PLEKHA3: variants seen among roughly 807,000 people sequenced by gnomAD.
PLEKHA3 encodes pleckstrin homology domain containing A3, also known as pleckstrin homology domain-containing family A member 3.
In PLEKHA3, 19 loss-of-function variants were observed where a neutral mutation model predicts 39.2. The ratio of observed to expected loss-of-function variants is 0.48; its 90% CI spans 0.34 to 0.71. The LOEUF is 0.71. Among genes scored for constraint, PLEKHA3 ranks in the 30% least tolerant of loss-of-function variants. PLEKHA3 has a pLI of 0.01. For synonymous variants in PLEKHA3, 97 were observed against 118.6 expected (o/e 0.82, Z 1.18); for missense variants, 253 against 359.5 (o/e 0.70, Z 2.40).
chr2:178,495,960 A>C (rs1685437507), intron 5 of PLEKHA3, among the ~76,000 whole-genome samples: 1 of 152,160 alleles, frequency 6.6e-6, no homozygotes, highest in African/African-American at 2.4e-5. Context: ...GTGACAAAGA[A>C]AAAGTTGGGG....
At position 178,507,276 on chromosome 2, in the gene PLEKHA3, A is replaced by G. The variant is rs1172501647; in HGVS notation, c.*3389A>G. 1 of 152,236 alleles carries G rather than the reference A, an allele frequency of 6.6e-6. No individual in the cohort carries two copies. Among genetic ancestry groups the G allele is most frequent in the East Asian group, 1.9e-4 (1 of 5,176 alleles). The allele number at this position is 152,236 out of a possible 1,614,324, so 9.4% of individuals were successfully genotyped here. On this transcript the variant is annotated 3_prime_UTR_variant, in exon 8 of 8. Transcript: ENST00000234453. ...CCCACCCCTCCCAAAATAGATTTAT[A>G]TTCACACAACTTTTAGTTAGAACAA...
At chr2:178,497,925 TCAGA>T (rs1033138748) in intron 5 of PLEKHA3, among the ~76,000 whole-genome samples, 4 of 151,750 alleles carry the variant, frequency 2.6e-5, no homozygotes, top group African/African-American at 9.7e-5. Context: ...GAAAGTAAGG[TCAGA>T]CAATCTTCAT....
chr2:178,492,056 C>T (rs1685356814), intron 3 of PLEKHA3, among the ~76,000 whole-genome samples: 1 of 152,104 alleles, frequency 6.6e-6, no homozygotes, highest in Non-Finnish European at 1.5e-5. Flanking sequence ...ATGAGTTTTG[C>T]TGGAAACAAA....
rs188467298 is a variant in PLEKHA3 at position 178,498,199 on chromosome 2, T to C, written c.616-1012T>C. Among the ~76,000 whole-genome samples, 55 of 152,322 alleles carry C rather than the reference T, an allele frequency of 3.6e-4. 2 individuals carry two copies. The highest frequency in any genetic ancestry group is 3.6e-3 in the Admixed American group (55 of 15,304). On this transcript the variant is annotated intron_variant, in intron 5 of 7. Transcript: ENST00000234453. ...GGACCTACAGATTGAGTGATTATTA[T>C]AGTGGGGATGTCCTTGGGTTAGTAA...
intron 5 of PLEKHA3, 96 bp from the exon 6 acceptor site, chr2:178,499,115 A>G: frequency 8.1e-6 from 10 of 1,232,706 alleles, no homozygotes; most frequent in Non-Finnish European, 1.1e-5. Flanking sequence ...CTCTGAGTAA[A>G]TTTATGTTTA....
At position 178,480,720 on chromosome 2, in the gene PLEKHA3, A is replaced by G. The variant is rs1026865638; in HGVS notation, c.-150A>G. 3 of 541,238 alleles carry G rather than the reference A, an allele frequency of 5.5e-6. No homozygotes were observed. The highest frequency in any genetic ancestry group is 9.6e-5 in the South Asian group (1 of 10,444). The allele number at this position is 541,238 out of a possible 1,614,324, so 33.5% of individuals were successfully genotyped here. A position where few individuals can be genotyped will look rare whatever the true frequency, so the allele number is the denominator to read the frequency against. ...GCTGTCCCGGCCTCTAAAGGCCGCC[A>G]CGTCCCTGCGGCGCGCGCAGGCAGA... On this transcript the variant is annotated 5_prime_UTR_variant, in exon 1 of 8. Transcript: ENST00000234453.
intron 3 of PLEKHA3, among the ~76,000 whole-genome samples, chr2:178,491,170 C>T (rs945897269): frequency 6.6e-6 from 1 of 152,014 alleles, no homozygotes; most frequent in Non-Finnish European, 1.5e-5. Context: ...GCTACCATGC[C>T]TGGCTAATTT....
At position 178,505,553 on chromosome 2, in the gene PLEKHA3, CTT is replaced by C. The variant is rs1685589806; in HGVS notation, c.*1667_*1668del. The C allele has an allele frequency of 7.0e-6, 1 of 143,450 alleles. No individual in the cohort carries two copies. The highest frequency in any genetic ancestry group is 1.5e-5 in the Non-Finnish European group (1 of 65,248). 8.9% of individuals were successfully genotyped at this position (143,450 alleles called of 1,614,324 possible). A position where few individuals can be genotyped will look rare whatever the true frequency, so the allele number is the denominator to read the frequency against. On this transcript the variant is annotated 3_prime_UTR_variant, in exon 8 of 8. Transcript: ENST00000234453. ...ACGTTGAGCAGGTAATCAGGTTTTT[CTT>C]GTTTTTTTTTTTTTTTTAAATTTTG...
intron 5 of PLEKHA3, among the ~76,000 whole-genome samples, 189 bp downstream of exon 5, chr2:178,495,849 T>C (rs1479281687): frequency 1.3e-5 from 2 of 152,354 alleles, no homozygotes; most frequent in East Asian, 3.9e-4. Context: ...GCACTTGTGC[T>C]AGTGTCCTCA....
At chr2:178,483,340 TAA>T (rs74815655) in intron 1 of PLEKHA3, among the ~76,000 whole-genome samples, 20 of 143,534 alleles carry the variant, frequency 1.4e-4, no homozygotes, top group African/African-American at 4.1e-4. Context: ...TAAAAAGAAT[TAA>T]AAAAAAAAAA....
At chr2:178,494,900 TCTC>T (rs1257620842) in intron 4 of PLEKHA3, among the ~76,000 whole-genome samples, 1 of 150,902 alleles carries the variant, frequency 6.6e-6, no homozygotes, top group Non-Finnish European at 1.5e-5. Flanking sequence ...CTAGCCAACT[TCTC>T]ATCTTTTTTT....
At position 178,507,698 on chromosome 2, in the gene PLEKHA3, A is replaced by C. The variant is rs1212643199; in HGVS notation, c.*3811A>C. On this transcript the variant is annotated 3_prime_UTR_variant, in exon 8 of 8. Coordinates refer to ENST00000234453, the MANE Select transcript of PLEKHA3 (RefSeq NM_019091.4). ...TTTTTTTTTTTTTTTTTTTTTTGGC[A>C]AAGCTCCTCCACCAGTAACTTCCTA... The C allele has an allele frequency of 2.4e-5, 1 of 42,546 alleles. No homozygotes were observed. The highest frequency in any genetic ancestry group is 4.9e-5 in the Non-Finnish European group (1 of 20,416). 2.6% of individuals were successfully genotyped at this position (42,546 alleles called of 1,614,324 possible). A position where few individuals can be genotyped will look rare whatever the true frequency, so the allele number is the denominator to read the frequency against.
intron 2 of PLEKHA3, chr2:178,489,088 T>G: frequency 2.7e-6 from 1 of 377,092 alleles, no homozygotes; most frequent in Non-Finnish European, 5.3e-6. Context: ...AGCATTGCTT[T>G]CTTTTAAAGT....
Position 178,504,032 on chromosome 2 carries a change from A to G in PLEKHA3, c.*145A>G. 1 of 810,196 alleles carries G rather than the reference A, an allele frequency of 1.2e-6. No homozygotes were observed. The highest frequency in any genetic ancestry group is 1.9e-6 in the Non-Finnish European group (1 of 536,400). The allele number at this position is 810,196 out of a possible 1,614,324, so 50.2% of individuals were successfully genotyped here. A position where few individuals can be genotyped will look rare whatever the true frequency, so the allele number is the denominator to read the frequency against. The stretch of plus-strand genomic sequence containing the variant: ...ACAGACAAACAAGAAAACAAACCAC[A>G]TACTTTTGAAGTGTATTTTATCTTT... On this transcript the variant is annotated 3_prime_UTR_variant, in exon 8 of 8. Coordinates refer to ENST00000234453, the MANE Select transcript of PLEKHA3 (RefSeq NM_019091.4).
chr2:178,514,437 A>T lies in PLEKHA3; in HGVS notation c.*10550A>T, dbSNP rs1685731226. 1 of 152,006 alleles carries T rather than the reference A, an allele frequency of 6.6e-6. No homozygotes were observed. The highest frequency in any genetic ancestry group is 1.5e-5 in the Non-Finnish European group (1 of 67,968). 9.4% of individuals were successfully genotyped at this position (152,006 alleles called of 1,614,324 possible). On this transcript the variant is annotated 3_prime_UTR_variant, in exon 8 of 8. Transcript: ENST00000234453. ...ATATATATCTTTACTCACAATAAGCAAAGTTGAACAACTTAAAATTGATTC... is the reference window on the plus strand; with the variant it reads ...ATATATATCTTTACTCACAATAAGCTAAGTTGAACAACTTAAAATTGATTC...
intron 6 of PLEKHA3, 27 bp downstream of exon 6, chr2:178,499,281 G>C: frequency 6.2e-7 from 1 of 1,606,870 alleles, no homozygotes. Flanking sequence ...TTCTGACTAA[G>C]TTCTCTCAAA....
rs1299165393 is a variant in PLEKHA3 at position 178,513,921 on chromosome 2, G to A, written c.*10034G>A. 1 of 152,060 alleles carries A rather than the reference G, an allele frequency of 6.6e-6. No homozygotes were observed. Among genetic ancestry groups the A allele is most frequent in the East Asian group, 1.9e-4 (1 of 5,186 alleles). 9.4% of individuals were successfully genotyped at this position (152,060 alleles called of 1,614,324 possible). A position where few individuals can be genotyped will look rare whatever the true frequency, so the allele number is the denominator to read the frequency against. On this transcript the variant is annotated 3_prime_UTR_variant, in exon 8 of 8. Transcript: ENST00000234453. ...ATCTTTTCAGTATTAGAACATTTCT[G>A]TTTATGCCCTATTCCAGTGGTATTT...
chr2:178,501,557 TA>T (rs1685530174), intron 7 of PLEKHA3, among the ~76,000 whole-genome samples: 1 of 152,046 alleles, frequency 6.6e-6, no homozygotes, highest in Non-Finnish European at 1.5e-5. Context: ...GTTACTTTAC[TA>T]AAATACCTAG....
chr2:178,493,184 T>C (rs1200655179), intron 3 of PLEKHA3, among the ~76,000 whole-genome samples: 1 of 152,188 alleles, frequency 6.6e-6, no homozygotes, highest in Non-Finnish European at 1.5e-5. Flanking sequence ...TGGCTGAGAT[T>C]ATGGCTGGAT....
Sources: gnomAD v4.1 joint callset for allele counts (sites outside exome capture counted in the v4.1 genomes callset) on GRCh38, gnomAD v4.1.1 for gene constraint, MANE v1.5 for transcripts, NCBI Gene and HGNC (gene_info 2026-07-23, HGNC 2026-07-21) for gene names.